The following COPB1 variants were observed in gnomAD, a reference collection of about 807,000 sequenced individuals.
COPB1 encodes the protein coatomer subunit beta.
A neutral mutation model predicts 108.7 loss-of-function variants in COPB1; 21 were observed. The ratio of observed to expected loss-of-function variants is 0.19; its 90% confidence interval spans 0.14 to 0.28. The LOEUF is 0.28. COPB1 is among the 10% of genes least tolerant of loss of function. The pLI is 1.00. For synonymous variants in COPB1, 378 were observed against 386.8 expected (o/e 0.98, Z 0.27); for missense variants, 919 against 1,141.3 (o/e 0.81, Z 2.81).
At chr11:14,463,720 T>G (rs1850216220) in intron 18 of COPB1, among the ~76,000 whole-genome samples, 2 of 152,226 alleles carry the variant, frequency 1.3e-5, no homozygotes, top group African/African-American at 4.8e-5. Flanking sequence ...AGATTTAACC[T>G]ATTATGTCTC....
In COPB1 at chr11:14,474,489, A is replaced by G. The variant is rs1850474112; in HGVS notation, c.1737+6T>C. 6.2e-7 allele frequency: 1 copy of G among 1,611,618 alleles called. No individual in the cohort carries two copies. Among genetic ancestry groups the G allele is most frequent in the South Asian group, 1.1e-5 (1 of 91,022 alleles). Reference sequence around the variant, plus strand: ...TGTTGGTTAAATGTAAAATAAATGAACTTACATTTTGCTTTTTCTTCTCCT... The same window carrying G: ...TGTTGGTTAAATGTAAAATAAATGAGCTTACATTTTGCTTTTTCTTCTCCT... On this transcript the variant is annotated splice_donor_region_variant and intron_variant, in intron 14 of 21. Coordinates refer to ENST00000439561, the MANE Select transcript of COPB1 (RefSeq NM_001144061.2).
At position 14,457,747 on chromosome 11, in the gene COPB1, A is replaced by G. The variant is rs546559813; in HGVS notation, c.*77T>C. 64 of 881,150 alleles carry G rather than the reference A, an allele frequency of 7.3e-5. No individual in the cohort carries two copies. In the African/African-American group the frequency reaches 9.1e-4, roughly 13 times the overall value. The allele number at this position is 881,150 out of a possible 1,614,324, so 54.6% of individuals were successfully genotyped here. ...AACTCAGATTCTATATAAGCATGAA[A>G]GAGTACAAAAGATGTTGGAGTCCAG... On this transcript the variant is annotated 3_prime_UTR_variant, in exon 22 of 22. Coordinates refer to ENST00000439561, the MANE Select transcript of COPB1 (RefSeq NM_001144061.2).
At chr11:14,486,872 TGAAAGA>T (rs996214694) in intron 6 of COPB1, among the ~76,000 whole-genome samples, 1 of 152,044 alleles carries the variant, frequency 6.6e-6, no homozygotes, top group African/African-American at 2.4e-5. Context: ...TATACACAAG[TGAAAGA>T]GAAAAAGAAA....
chr11:14,475,824 G>C lies in COPB1; in HGVS notation c.1577C>G (p.Ala526Gly). The C allele has an allele frequency of 6.2e-7, 1 of 1,612,942 alleles. No individual in the cohort carries two copies. Among genetic ancestry groups the C allele is most frequent in the Non-Finnish European group, 8.5e-7 (1 of 1,179,534 alleles). Residue 526 changes from alanine to glycine, a missense_variant, in exon 13 of 22, where the codon GCC (alanine) becomes GGC (glycine). This residue lies in a region of COPB1 where 705 missense variants were observed against 817.8 expected (regional missense o/e 0.86). Transcript: ENST00000439561. Reference sequence around the variant, plus strand: ...CTTGGTGGGTCTAGAACTGCTAAGGGCACTCTGAGTTGCATAGGTACCCAT... The same window carrying C: ...CTTGGTGGGTCTAGAACTGCTAAGGCCACTCTGAGTTGCATAGGTACCCAT... ...TEMGTYATQSALSSSRPTKKE... is the reference protein window; with the variant it reads ...TEMGTYATQSGLSSSRPTKKE...
intron 20 of COPB1, chr11:14,459,972 T>TAA: frequency 8.7e-6 from 3 of 343,556 alleles, no homozygotes; most frequent in Non-Finnish European, 1.6e-5. Context: ...GAAAAGAAAA[T>TAA]AAAAAAAAAA....
At chr11:14,496,313 A>G (rs895919839) in intron 2 of COPB1, among the ~76,000 whole-genome samples, 1 of 152,104 alleles carries the variant, frequency 6.6e-6, no homozygotes, top group African/African-American at 2.4e-5. Flanking sequence ...CACGGTATAC[A>G]TTTTTAAAAT....
chr11:14,463,303 C>T (rs372776421), intron 18 of COPB1, among the ~76,000 whole-genome samples: 16 of 152,054 alleles, frequency 1.1e-4, no homozygotes, highest in Non-Finnish European at 2.9e-5. Context: ...AAATACTTAT[C>T]TCTAGTTTAT....
Position 14,486,474 on chromosome 11 carries a change from G to A in COPB1, c.730C>T (p.Arg244Cys). 1.2e-6 allele frequency: 2 copies of A among 1,613,940 alleles called. No homozygotes were observed. The highest frequency in any genetic ancestry group is 1.7e-6 in the Non-Finnish European group (2 of 1,179,988). The change falls in exon 7 of 22, where the codon CGT (arginine) becomes TGT (cysteine). Residue 244 changes from arginine to cysteine, a missense_variant. By Grantham distance (180) the Arg-to-Cys change is radical. This residue lies in a region of COPB1 where 22 missense variants were observed against 61.0 expected (regional missense o/e 0.36). Coordinates refer to ENST00000439561, the MANE Select transcript of COPB1 (RefSeq NM_001144061.2). ...VCHANPSERA[R>C]FIRCIYNLLQ... Reference sequence around the variant, plus strand: ...AAGTTATAGATGCAGCGAATAAAACGAGCTCTTTCTGATGGATTAGCATGA... The same window carrying A: ...AAGTTATAGATGCAGCGAATAAAACAAGCTCTTTCTGATGGATTAGCATGA...
chr11:14,485,396 G>C (rs1274023596), intron 7 of COPB1, among the ~76,000 whole-genome samples: 4 of 152,092 alleles, frequency 2.6e-5, no homozygotes, highest in Non-Finnish European at 4.4e-5. Context: ...CAAACTCCTG[G>C]TTTTAAGCAA....
chr11:14,493,428 T>C (rs533815128), intron 4 of COPB1, among the ~76,000 whole-genome samples: 67 of 152,314 alleles, frequency 4.4e-4, no homozygotes, highest in African/African-American at 1.6e-3. Context: ...GGGGTTACTG[T>C]TATACAAGTT....
intron 14 of COPB1, among the ~76,000 whole-genome samples, chr11:14,471,129 G>T (rs1270453379): frequency 6.6e-6 from 1 of 152,106 alleles, no homozygotes; most frequent in African/African-American, 2.4e-5. Context: ...ACAAAAACTG[G>T]AACAATCTGT....
chr11:14,492,264 ATAGTT>A (rs1411669187), intron 4 of COPB1, among the ~76,000 whole-genome samples: 36 of 152,082 alleles, frequency 2.4e-4, no homozygotes, highest in African/African-American at 8.7e-4. Context: ...TATGTGCACT[ATAGTT>A]TAAATTCTGA....
At position 14,466,409 on chromosome 11, in the gene COPB1, A is replaced by G. The variant is rs1225029975; in HGVS notation, c.2163T>C (p.Gly721=). The G allele has an allele frequency of 6.2e-7, 1 of 1,611,506 alleles. No individual in the cohort carries two copies. Among genetic ancestry groups the G allele is most frequent in the Non-Finnish European group, 8.5e-7 (1 of 1,179,084 alleles). ...CTTCTGCATATACAGGATCTGAGAA[A>G]CCTGTCAATTGGGTGACCTGTCAAA... The part of the protein sequence containing the change: ...SKLNKVTQLT[G]FSDPVYAEAY... Residue 721 remains glycine (G), a synonymous_variant, in exon 17 of 22, where the codon GGT becomes GGC. Coordinates refer to ENST00000439561, the MANE Select transcript of COPB1 (RefSeq NM_001144061.2).
At chr11:14,481,192 C>G in intron 8 of COPB1, 95 bp from the exon 9 acceptor site, 1 of 843,580 alleles carries the variant, frequency 1.2e-6, no homozygotes, top group Non-Finnish European at 1.9e-6. Context: ...TCTATCATCA[C>G]TTTAATTCTT....
intron 7 of COPB1, among the ~76,000 whole-genome samples, chr11:14,486,125 C>T (rs1450365671): frequency 2.0e-5 from 3 of 152,016 alleles, no homozygotes; most frequent in Non-Finnish European, 4.4e-5. Context: ...GCAGTTCGAA[C>T]CTGTGTTGTC....
chr11:14,488,622 C>A lies in COPB1; in HGVS notation c.607-38G>T, dbSNP rs745960924. 9 of 1,377,742 alleles carry A rather than the reference C, an allele frequency of 6.5e-6. No homozygotes were observed. The highest frequency in any genetic ancestry group is 8.1e-6 in the Non-Finnish European group (8 of 986,638). The allele number at this position is 1,377,742 out of a possible 1,614,324, so 85.3% of individuals were successfully genotyped here. ...AGAATATATTTATCATTCTCCACCTCATTCAATAGAAGGACTTAATGCATC... is the reference window on the plus strand; with the variant it reads ...AGAATATATTTATCATTCTCCACCTAATTCAATAGAAGGACTTAATGCATC... On this transcript the variant is annotated intron_variant, in intron 5 of 21. Coordinates refer to ENST00000439561, the MANE Select transcript of COPB1 (RefSeq NM_001144061.2).
chr11:14,476,168 T>TAC (rs1358233345), intron 12 of COPB1, among the ~76,000 whole-genome samples: 3 of 152,230 alleles, frequency 2.0e-5, no homozygotes, highest in African/African-American at 7.2e-5. Flanking sequence ...TGCCACTTAC[T>TAC]ACTTTGGACC....
In COPB1 at chr11:14,460,197, T is replaced by C; in HGVS notation, c.2646+11A>G. 6.4e-7 allele frequency: 1 copy of C among 1,564,924 alleles called. No individual in the cohort carries two copies. The highest frequency in any genetic ancestry group is 8.8e-7 in the Non-Finnish European group (1 of 1,137,672). ...TCCATCAGATTTCTGAATTTCCTAG[T>C]CAAATTTTACCTTTTCTGGAGTCAG... On this transcript the variant is annotated intron_variant, in intron 20 of 21. Transcript: ENST00000439561.
Position 14,482,976 on chromosome 11 carries a change from G to A in COPB1, c.957+56C>T, listed in dbSNP as rs748125871. ...ACCAAGATGGGCAAAGCTTGAGAAT[G>A]ACCTAAATTTGAAAAACATTTTATT... On this transcript the variant is annotated intron_variant, in intron 8 of 21. Transcript: ENST00000439561. 6.9e-6 allele frequency: 10 copies of A among 1,441,438 alleles called. No homozygotes were observed. In the East Asian group the frequency reaches 2.1e-4, roughly 30 times the overall value. 89.3% of individuals were successfully genotyped at this position (1,441,438 alleles called of 1,614,324 possible). A position where few individuals can be genotyped will look rare whatever the true frequency, so the allele number is the denominator to read the frequency against.
Sources: allele counts gnomAD v4.1 joint callset (sites outside exome capture counted in the v4.1 genomes callset), GRCh38; gene constraint gnomAD v4.1.1; regional missense constraint gnomAD v4.1.1; transcripts MANE v1.5; gene names NCBI Gene and HGNC (gene_info 2026-07-23, HGNC 2026-07-21).